The following RNF220 variants were observed in gnomAD, a reference collection of about 807,000 sequenced individuals.
RNF220 encodes the protein ring finger protein 220.
Under a neutral mutation model 67.1 loss-of-function variants are expected in RNF220, and 7 were observed. The observed-to-expected ratio is 0.10, with a 90% CI of 0.06 to 0.20. The LOEUF (loss-of-function observed/expected upper bound fraction) is 0.20, where lower values mean the gene tolerates loss of function less well. RNF220 is among the 10% of genes least tolerant of loss of function. The pLI, the probability that RNF220 is intolerant of heterozygous loss-of-function variation, is 1.00. For synonymous variants in RNF220, 270 were observed against 283.2 expected (o/e 0.95, Z 0.47); for missense variants, 565 against 740.3 (o/e 0.76, Z 2.75).
intron 2 of RNF220, among the ~76,000 whole-genome samples, chr1:44,543,858 G>A (rs887155374): frequency 1.3e-5 from 2 of 152,224 alleles, no homozygotes; most frequent in Non-Finnish European, 2.9e-5. Flanking sequence ...GTCAACGCCA[G>A]CTCTGATCCC....
At chr1:44,557,134 T>TACATACATATATACA (rs1663162401) in intron 2 of RNF220, among the ~76,000 whole-genome samples, 4 of 147,242 alleles carry the variant, frequency 2.7e-5, no homozygotes, top group Non-Finnish European at 6.0e-5. Flanking sequence ...TATATATATT[T>TACATACATATATACA]TATATACGTA....
chr1:44,462,389 C>T (rs1387451889), intron 2 of RNF220, among the ~76,000 whole-genome samples: 3 of 152,006 alleles, frequency 2.0e-5, no homozygotes, highest in African/African-American at 7.3e-5. Context: ...TAACATAAAA[C>T]TCATAATATG....
intron 2 of RNF220, among the ~76,000 whole-genome samples, chr1:44,475,127 C>T (rs1358606480): frequency 6.6e-6 from 1 of 152,034 alleles, no homozygotes; most frequent in Non-Finnish European, 1.5e-5. Flanking sequence ...GCTTTAAGTT[C>T]TTGTTCCACT....
rs1643833277 is a variant in RNF220 at position 44,622,339 on chromosome 1, G to A, written c.759-403G>A. Among the ~76,000 whole-genome samples, 1 of 152,212 alleles carries A rather than the reference G, an allele frequency of 6.6e-6. No individual in the cohort carries two copies. The highest frequency in any genetic ancestry group is 2.1e-4 in the South Asian group (1 of 4,828). ...CATGTTGGAGGGAGAATTGACAAGA[G>A]CCCTGTCAGCTCCATCACCCCAATC... is the stretch of plus-strand genomic sequence containing the variant. On this transcript the variant is annotated intron_variant, in intron 3 of 14. Transcript: ENST00000361799. The surrounding 1 kb of genome is among the most constrained non-coding windows in gnomAD (Gnocchi z 4.3).
chr1:44,568,536 G>T (rs1450454829), intron 2 of RNF220, among the ~76,000 whole-genome samples: 19 of 152,332 alleles, frequency 1.2e-4, no homozygotes, highest in Admixed American at 3.9e-4. Flanking sequence ...GCAAATGCCA[G>T]CTGGGATATC....
At chr1:44,469,769 T>C (rs1654635414) in intron 2 of RNF220, among the ~76,000 whole-genome samples, 1 of 152,122 alleles carries the variant, frequency 6.6e-6, no homozygotes, top group South Asian at 2.1e-4. Flanking sequence ...TTAGGATGAA[T>C]AGGCGTTTAG....
chr1:44,415,910 G>A (rs1648483967), intron 2 of RNF220, among the ~76,000 whole-genome samples: 2 of 152,248 alleles, frequency 1.3e-5, no homozygotes, highest in Non-Finnish European at 2.9e-5. Context: ...CAGACATGGT[G>A]TAATGCACAC....
chr1:44,554,973 T>C lies in RNF220; in HGVS notation c.626-59192T>C, dbSNP rs139676577. 2.3e-4 allele frequency among the ~76,000 whole-genome samples: 35 copies of C among 152,302 alleles called. 1 individual carries two copies. Among genetic ancestry groups the C allele is most frequent in the African/African-American group, 7.9e-4 (33 of 41,560 alleles). On this transcript the variant is annotated intron_variant, in intron 2 of 14. Transcript: ENST00000361799. ...CTCCACACTGTTTCAAGAGTGATAT[T>C]TCTAGCATGTAAATCCAGTCATGTC...
intron 2 of RNF220, among the ~76,000 whole-genome samples, chr1:44,485,978 CT>C (rs1656263276): frequency 6.6e-6 from 1 of 152,176 alleles, no homozygotes; most frequent in African/African-American, 2.4e-5. Context: ...TCTATTGCCC[CT>C]CTGTAAAACC....
At chr1:44,553,373 AAT>A (rs1261592390) in intron 2 of RNF220, among the ~76,000 whole-genome samples, 4 of 1,566 alleles carry the variant, frequency 2.6e-3, no homozygotes, top group East Asian at 6.1e-3. Context: ...TGAGTATAAG[AAT>A]GAATGAATGA....
intron 2 of RNF220, among the ~76,000 whole-genome samples, chr1:44,512,088 G>C (rs893618478): frequency 6.6e-6 from 1 of 152,190 alleles, no homozygotes; most frequent in African/African-American, 2.4e-5. Context: ...TGTGGTTGTA[G>C]GTATGTAAAT....
intron 2 of RNF220, among the ~76,000 whole-genome samples, chr1:44,543,061 G>A (rs1039884064): frequency 2.0e-5 from 3 of 152,198 alleles, no homozygotes; most frequent in Non-Finnish European, 4.4e-5. Context: ...GGAGACCATC[G>A]GAGAGCTGGG....
At chr1:44,427,442 C>T (rs1045959023) in intron 2 of RNF220, among the ~76,000 whole-genome samples, 2 of 152,204 alleles carry the variant, frequency 1.3e-5, no homozygotes, top group Non-Finnish European at 1.5e-5. Context: ...TTGGCCCACT[C>T]ACAAGCCCTT....
At chr1:44,508,224 G>A (rs1415599142) in intron 2 of RNF220, among the ~76,000 whole-genome samples, 6 of 151,948 alleles carry the variant, frequency 3.9e-5, no homozygotes, top group South Asian at 2.1e-4. Context: ...GGGCCAGGCG[G>A]GGGACCCCCT....
intron 2 of RNF220, among the ~76,000 whole-genome samples, chr1:44,598,201 T>A (rs977661245): frequency 6.6e-6 from 1 of 151,868 alleles, no homozygotes; most frequent in Non-Finnish European, 1.5e-5. Context: ...AAGCCCAGAG[T>A]CCTCAGTTAT....
intron 2 of RNF220, among the ~76,000 whole-genome samples, chr1:44,458,124 C>G (rs954316704): frequency 1.3e-5 from 2 of 151,808 alleles, no homozygotes; most frequent in African/African-American, 4.8e-5. Context: ...ATTAGCAGGG[C>G]ATGGTGTAGG....
At chr1:44,644,625 C>A in intron 8 of RNF220, 73 bp from the exon 9 acceptor site, 4 of 1,200,452 alleles carry the variant, frequency 3.3e-6, no homozygotes, top group Non-Finnish European at 4.9e-6. Context: ...CTAACCCCTA[C>A]CTGGAGGCAA....
At chr1:44,564,179 A>G (rs999086152) in intron 2 of RNF220, among the ~76,000 whole-genome samples, 5 of 152,156 alleles carry the variant, frequency 3.3e-5, no homozygotes, top group Non-Finnish European at 5.9e-5. Flanking sequence ...AAAAATAGCT[A>G]TCAGAGAAAT....
At chr1:44,422,240 C>A (rs937971116) in intron 2 of RNF220, among the ~76,000 whole-genome samples, 16 of 152,150 alleles carry the variant, frequency 1.1e-4, no homozygotes, top group African/African-American at 3.6e-4. Flanking sequence ...TGAGAGGTCG[C>A]TGGAGTGGTA....
Sources: allele counts gnomAD v4.1 joint callset (sites outside exome capture counted in the v4.1 genomes callset), GRCh38; gene constraint gnomAD v4.1.1; non-coding constraint Gnocchi (gnomAD v3.1); transcripts MANE v1.5; gene names NCBI Gene and HGNC (gene_info 2026-07-23, HGNC 2026-07-21).